Variants in CSMD1 observed in about 807,000 individuals in gnomAD.
CSMD1 encodes the protein CUB and Sushi multiple domains 1, also known as CUB and sushi domain-containing protein 1.
Under a neutral mutation model 417.5 loss-of-function variants are expected in CSMD1, and 213 were observed. That is an observed-to-expected ratio of 0.51 (90% CI 0.46 to 0.57). CSMD1 has a LOEUF of 0.57. Ranked by LOEUF, CSMD1 falls within the 20% of genes least tolerant of loss-of-function variation. The pLI is 0.00. For missense variants in CSMD1, 6,923 were observed against 4,529.7 expected (o/e 1.53, Z -15.17); for synonymous variants, 2,862 against 1,736.8 (o/e 1.65, Z -16.11).
At chr8:3,764,918 G>T (rs764532933) in intron 5 of CSMD1, among the ~76,000 whole-genome samples, 2 of 151,630 alleles carry the variant, frequency 1.3e-5, no homozygotes, top group East Asian at 3.9e-4. Context: ...GCTCATTTTC[G>T]TATTTTTAGT....
intron 2 of CSMD1, among the ~76,000 whole-genome samples, chr8:4,452,868 G>C (rs1315061077): frequency 6.6e-6 from 1 of 152,136 alleles, no homozygotes; most frequent in Admixed American, 6.5e-5. Flanking sequence ...GATATAGGAA[G>C]GCCGACTGTG....
At chr8:3,806,398 C>A (rs968964284) in intron 5 of CSMD1, among the ~76,000 whole-genome samples, 2 of 152,112 alleles carry the variant, frequency 1.3e-5, no homozygotes, top group Non-Finnish European at 2.9e-5. Context: ...GACACAAAAG[C>A]GTGTGTGAAG....
intron 7 of CSMD1, among the ~76,000 whole-genome samples, chr8:3,635,280 C>G (rs980495541): frequency 2.0e-5 from 3 of 151,944 alleles, no homozygotes; most frequent in Non-Finnish European, 2.9e-5. Context: ...TCAAGACCAG[C>G]CCGGCCAAGA....
chr8:3,058,019 T>G (rs1486859735), intron 49 of CSMD1, among the ~76,000 whole-genome samples: 3 of 152,162 alleles, frequency 2.0e-5, no homozygotes, highest in Non-Finnish European at 4.4e-5. Flanking sequence ...TATTCTCACT[T>G]TCTTGCCTTA....
At chr8:4,635,665 T>C (rs1159472256) in intron 2 of CSMD1, among the ~76,000 whole-genome samples, 2 of 152,156 alleles carry the variant, frequency 1.3e-5, no homozygotes, top group African/African-American at 2.4e-5. Context: ...CTCTGCAGTT[T>C]TTATTACCAT....
chr8:3,439,375 T>G (rs78145251), intron 12 of CSMD1, among the ~76,000 whole-genome samples: 17,128 of 144,076 alleles, frequency 0.12, 1,108 homozygotes, highest in Middle Eastern at 0.16. Context: ...AGCTCATTTT[T>G]GTCTTAAATT....
chr8:4,578,339 T>C (rs1230624934), intron 2 of CSMD1, among the ~76,000 whole-genome samples: 11 of 130,414 alleles, frequency 8.4e-5, no homozygotes, highest in African/African-American at 3.9e-4. Context: ...CTCATTTTTT[T>C]TTTTTTTTTT....
chr8:3,221,183 T>G (rs1563156078), intron 28 of CSMD1, among the ~76,000 whole-genome samples: 2 of 152,184 alleles, frequency 1.3e-5, no homozygotes, highest in South Asian at 4.1e-4. Context: ...CCAGCATCGG[T>G]GCAACGCCCA....
intron 3 of CSMD1, among the ~76,000 whole-genome samples, chr8:4,098,101 C>G (rs1276177918): frequency 1.3e-5 from 2 of 152,138 alleles, no homozygotes; most frequent in East Asian, 1.9e-4. Context: ...ACAACAAAGG[C>G]TGAATTAAGA....
At chr8:2,946,607 T>C (rs1273499348) in intron 68 of CSMD1, among the ~76,000 whole-genome samples, 1 of 152,240 alleles carries the variant, frequency 6.6e-6, no homozygotes, top group East Asian at 1.9e-4. Flanking sequence ...TTCCATTGTA[T>C]GGCTATATTA....
At chr8:3,292,553 G>T (rs1414604903) in intron 25 of CSMD1, among the ~76,000 whole-genome samples, 1 of 152,174 alleles carries the variant, frequency 6.6e-6, no homozygotes, top group Non-Finnish European at 1.5e-5. Context: ...AGCTTTTCTT[G>T]TTGAATTGAT....
intron 5 of CSMD1, among the ~76,000 whole-genome samples, chr8:3,985,953 C>T (rs1215027301): frequency 5.3e-5 from 8 of 151,602 alleles, no homozygotes; most frequent in African/African-American, 1.9e-4. Flanking sequence ...CTAATTCTAG[C>T]CTAAAAGTTT....
chr8:4,131,823 T>G (rs1030876290), intron 3 of CSMD1, among the ~76,000 whole-genome samples: 2 of 132,348 alleles, frequency 1.5e-5, no homozygotes, highest in East Asian at 4.6e-4. Flanking sequence ...ACTGCAGTGG[T>G]GCGATCCCGG....
chr8:3,278,173 C>T, intron 26 of CSMD1, among the ~76,000 whole-genome samples: 1 of 152,054 alleles, frequency 6.6e-6, no homozygotes, highest in East Asian at 1.9e-4. Context: ...AGATGAAAAA[C>T]AACTGAAGAA....
chr8:4,692,066 A>C lies in CSMD1; in HGVS notation c.86-54508T>G, dbSNP rs530371213. On this transcript the variant is annotated intron_variant, in intron 1 of 69. Coordinates refer to ENST00000635120, the MANE Select transcript of CSMD1 (RefSeq NM_033225.6). Reference sequence around the variant, plus strand: ...TATGATAATGCGGGGCACACAACCTACCCTACAAATGGGACTTGCTGTATG... The same window carrying C: ...TATGATAATGCGGGGCACACAACCTCCCCTACAAATGGGACTTGCTGTATG... Among the ~76,000 whole-genome samples the C allele has an allele frequency of 2.6e-4, 40 of 152,102 alleles. No individual in the cohort carries two copies. In the South Asian group the frequency reaches 8.3e-3, roughly 32 times the overall value.
At chr8:3,523,100 A>G (rs1030213298) in intron 10 of CSMD1, among the ~76,000 whole-genome samples, 1 of 151,896 alleles carries the variant, frequency 6.6e-6, no homozygotes. Flanking sequence ...ATCCAATATT[A>G]TAGTTACATC....
At chr8:3,430,334 A>G (rs1321285651) in intron 12 of CSMD1, among the ~76,000 whole-genome samples, 3 of 152,180 alleles carry the variant, frequency 2.0e-5, no homozygotes, top group African/African-American at 4.8e-5. Flanking sequence ...ATCATTTTGT[A>G]TGTGTTGTAT....
intron 3 of CSMD1, among the ~76,000 whole-genome samples, chr8:4,094,596 T>C (rs899897665): frequency 3.3e-5 from 5 of 152,106 alleles, no homozygotes; most frequent in Non-Finnish European, 7.4e-5. Context: ...CGTGCTGTGC[T>C]TGTGTAGGTC....
At chr8:3,856,385 T>C (rs1012659853) in intron 5 of CSMD1, among the ~76,000 whole-genome samples, 12 of 152,170 alleles carry the variant, frequency 7.9e-5, no homozygotes, top group African/African-American at 2.9e-4. Context: ...TAAACCTCTT[T>C]TCTTTATAAA....
Sources: gnomAD v4.1 joint callset for allele counts (sites outside exome capture counted in the v4.1 genomes callset) on GRCh38, gnomAD v4.1.1 for gene constraint, MANE v1.5 for transcripts, NCBI Gene and HGNC (gene_info 2026-07-23, HGNC 2026-07-21) for gene names.